Variants in INPP4B observed in about 807,000 individuals in gnomAD.
The protein encoded by INPP4B is inositol polyphosphate-4-phosphatase type II B.
Under a neutral mutation model 122.5 loss-of-function variants are expected in INPP4B, and 55 were observed. That is an observed-to-expected ratio of 0.45 (90% CI 0.36 to 0.56). The LOEUF (loss-of-function observed/expected upper bound fraction) is 0.56, where lower values mean the gene tolerates loss of function less well. Ranked by LOEUF, INPP4B falls within the 20% of genes least tolerant of loss-of-function variation. The pLI is 0.00. For synonymous variants in INPP4B, 403 were observed against 388.7 expected (o/e 1.04, Z -0.43); for missense variants, 1,000 against 1,097.7 (o/e 0.91, Z 1.26).
chr4:142,339,670 G>A (rs1388245032), intron 7 of INPP4B, among the ~76,000 whole-genome samples: 1 of 152,084 alleles, frequency 6.6e-6, no homozygotes, highest in African/African-American at 2.4e-5. Flanking sequence ...AAATCTGAAA[G>A]GAGACATTAT....
intron 7 of INPP4B, among the ~76,000 whole-genome samples, chr4:142,318,103 T>C (rs1579717872): frequency 6.6e-6 from 1 of 152,190 alleles, no homozygotes; most frequent in East Asian, 1.9e-4. Flanking sequence ...TCAGCCTTTG[T>C]GTCAGTTATT....
At chr4:142,080,532 C>A (rs1257706400) in intron 25 of INPP4B, among the ~76,000 whole-genome samples, 5 of 152,074 alleles carry the variant, frequency 3.3e-5, no homozygotes, top group South Asian at 4.1e-4. Flanking sequence ...AAAAATGAAT[C>A]ATCACAAATG....
chr4:142,224,931 G>A (rs974317322), intron 12 of INPP4B, among the ~76,000 whole-genome samples: 1 of 152,050 alleles, frequency 6.6e-6, no homozygotes, highest in African/African-American at 2.4e-5. Flanking sequence ...TCCCAAACTC[G>A]ACTGTGTTTT....
chr4:142,749,273 T>C (rs1234830506), intron 1 of INPP4B, among the ~76,000 whole-genome samples: 1 of 147,096 alleles, frequency 6.8e-6, no homozygotes, highest in African/African-American at 2.5e-5. Context: ...ATATATTATA[T>C]AATGTCTTAC....
chr4:142,796,110 G>A (rs1442390310), intron 1 of INPP4B, among the ~76,000 whole-genome samples: 3 of 152,016 alleles, frequency 2.0e-5, no homozygotes, highest in African/African-American at 7.2e-5. Context: ...TGAGGATCTT[G>A]AAGATAATCA....
intron 1 of INPP4B, among the ~76,000 whole-genome samples, chr4:142,782,218 T>A (rs1774963255): frequency 2.0e-5 from 3 of 151,650 alleles, no homozygotes; most frequent in Admixed American, 2.0e-4. Context: ...CACCTATGAG[T>A]GAGAACATGC....
chr4:142,045,269 AAC>A (rs1167408496), intron 25 of INPP4B, among the ~76,000 whole-genome samples: 3 of 152,234 alleles, frequency 2.0e-5, no homozygotes, highest in Non-Finnish European at 4.4e-5. Flanking sequence ...TACACAAACA[AAC>A]ACAACGCTAC....
chr4:142,787,257 G>A (rs930961205), intron 1 of INPP4B, among the ~76,000 whole-genome samples: 1 of 152,142 alleles, frequency 6.6e-6, no homozygotes, highest in African/African-American at 2.4e-5. Flanking sequence ...ATACAACCGT[G>A]CTGGGAGGTG....
intron 2 of INPP4B, among the ~76,000 whole-genome samples, chr4:142,522,361 A>C (rs1414190672): frequency 9.1e-6 from 1 of 110,414 alleles, no homozygotes; most frequent in South Asian, 3.4e-4. Context: ...CCGAGACATG[A>C]GATTTCCCTA....
intron 11 of INPP4B, among the ~76,000 whole-genome samples, chr4:142,246,948 C>T (rs905997683): frequency 1.3e-5 from 2 of 152,098 alleles, no homozygotes; most frequent in Non-Finnish European, 2.9e-5. Flanking sequence ...ATAAACAGCT[C>T]CTATTATTTC....
intron 2 of INPP4B, among the ~76,000 whole-genome samples, chr4:142,609,711 A>C (rs555404573): frequency 6.6e-6 from 1 of 152,332 alleles, no homozygotes; most frequent in African/African-American, 2.4e-5. Flanking sequence ...TTATCTGCTT[A>C]GTTGCACTTA....
intron 7 of INPP4B, among the ~76,000 whole-genome samples, chr4:142,384,415 A>C (rs937634051): frequency 6.6e-5 from 10 of 152,196 alleles, no homozygotes; most frequent in African/African-American, 1.9e-4. Context: ...CTTAGGCTTT[A>C]TGAAATAACC....
At chr4:142,747,381 G>A (rs1768924171) in intron 1 of INPP4B, among the ~76,000 whole-genome samples, 1 of 152,130 alleles carries the variant, frequency 6.6e-6, no homozygotes, top group South Asian at 2.1e-4. Flanking sequence ...ACAGGTACTG[G>A]AGAGGATGTG....
chr4:142,145,201 A>C (rs979378020), intron 18 of INPP4B, among the ~76,000 whole-genome samples: 1 of 152,262 alleles, frequency 6.6e-6, no homozygotes, highest in Non-Finnish European at 1.5e-5. Context: ...TAAGGTATAC[A>C]TTTGAAAGTA....
At chr4:142,616,302 T>G (rs1223901360) in intron 2 of INPP4B, among the ~76,000 whole-genome samples, 1 of 152,072 alleles carries the variant, frequency 6.6e-6, no homozygotes, top group Non-Finnish European at 1.5e-5. Flanking sequence ...TCTTAAAACA[T>G]AACACATTTC....
chr4:142,764,681 A>C (rs1397968287), intron 1 of INPP4B, among the ~76,000 whole-genome samples: 1 of 152,062 alleles, frequency 6.6e-6, no homozygotes, highest in Non-Finnish European at 1.5e-5. Flanking sequence ...TTATTCTGCA[A>C]CACCCAGCAT....
chr4:142,226,618 A>C (rs1208059141), intron 12 of INPP4B, among the ~76,000 whole-genome samples: 1 of 152,198 alleles, frequency 6.6e-6, no homozygotes, highest in Non-Finnish European at 1.5e-5. Flanking sequence ...TTTCAATCAG[A>C]TTTTGTGCGC....
chr4:142,784,085 A>G (rs1352111344), intron 1 of INPP4B, among the ~76,000 whole-genome samples: 1 of 152,150 alleles, frequency 6.6e-6, no homozygotes, highest in Non-Finnish European at 1.5e-5. Context: ...GAATGTGGCC[A>G]GGCACAGTGG....
At chr4:142,173,924 A>G in intron 15 of INPP4B, 115 bp from the exon 16 acceptor site, 2 of 859,920 alleles carry the variant, frequency 2.3e-6, no homozygotes, top group Non-Finnish European at 3.8e-6. Flanking sequence ...CCTATTGATA[A>G]GAACTGTCCT....
Sources: gnomAD v4.1 joint callset for allele counts (sites outside exome capture counted in the v4.1 genomes callset) on GRCh38, gnomAD v4.1.1 for gene constraint, MANE v1.5 for transcripts, NCBI Gene and HGNC (gene_info 2026-07-23, HGNC 2026-07-21) for gene names.